The following SOS1 variants were observed in gnomAD, a reference collection of about 807,000 sequenced individuals.
SOS1 encodes the protein SOS Ras/Rac guanine nucleotide exchange factor 1.
SOS1 carries 25 observed loss-of-function variants against 157.6 expected under a neutral mutation model. The observed-to-expected ratio is 0.16, with a 90% CI of 0.12 to 0.22. The LOEUF is 0.22. SOS1 is among the 10% of genes least tolerant of loss of function. The pLI, the probability that SOS1 is intolerant of heterozygous loss-of-function variation, is 1.00. For synonymous variants in SOS1, 528 were observed against 534.0 expected, an observed-to-expected ratio of 0.99 and a Z score of 0.16; for missense variants, 1,237 against 1,599.1, an observed-to-expected ratio of 0.77 and a Z score of 3.86.
chr2:39,061,376 T>C (rs1336534252), intron 2 of SOS1, among the ~76,000 whole-genome samples: 1 of 152,098 alleles, frequency 6.6e-6, no homozygotes, highest in African/African-American at 2.4e-5. Context: ...AAACACTTTA[T>C]ATTTCTTTAC....
upstream of SOS1, among the ~76,000 whole-genome samples, chr2:39,122,191 A>G (rs1673912588): frequency 3.3e-5 from 5 of 152,126 alleles, no homozygotes; most frequent in South Asian, 1.0e-3. Context: ...GCACTTTAGG[A>G]GGCCGAGGCG....
chr2:39,030,083 T>A (rs1274986140), intron 8 of SOS1, among the ~76,000 whole-genome samples: 2 of 151,914 alleles, frequency 1.3e-5, no homozygotes, highest in African/African-American at 4.8e-5. Context: ...GAGGAATCAC[T>A]TGAGCCCAGG....
At chr2:39,032,237 C>T (rs1236199628) in intron 8 of SOS1, among the ~76,000 whole-genome samples, 2 of 152,076 alleles carry the variant, frequency 1.3e-5, no homozygotes, top group African/African-American at 2.4e-5. Context: ...CTTGAATTTA[C>T]ACCTCCTAAC....
At chr2:39,036,656 C>G (rs904873643) in intron 6 of SOS1, among the ~76,000 whole-genome samples, 1 of 152,164 alleles carries the variant, frequency 6.6e-6, no homozygotes, top group African/African-American at 2.4e-5. Flanking sequence ...TCACTGCAAG[C>G]TCCGCCTCCC....
chr2:39,061,662 A>G lies in SOS1; in HGVS notation c.214-2858T>C, dbSNP rs866190043. 6.6e-5 allele frequency among the ~76,000 whole-genome samples: 10 copies of G among 152,330 alleles called. No homozygotes were observed. In the South Asian group the frequency reaches 8.3e-4, roughly 13 times the overall value. ...CTTGGCCTCCCAAAGTGCTGGGATTACACACATGAGCCACTGCATTCGGCC... is the reference window on the plus strand; with the variant it reads ...CTTGGCCTCCCAAAGTGCTGGGATTGCACACATGAGCCACTGCATTCGGCC... On this transcript the variant is annotated intron_variant, in intron 2 of 22. Transcript: ENST00000402219.
intron 2 of SOS1, among the ~76,000 whole-genome samples, chr2:39,066,156 C>T (rs1671581157): frequency 1.3e-5 from 2 of 152,108 alleles, no homozygotes; most frequent in South Asian, 4.1e-4. Flanking sequence ...ACACATAAAA[C>T]CCAATGTTTT....
intron 1 of SOS1, among the ~76,000 whole-genome samples, chr2:39,088,115 GATAA>G (rs1375774875): frequency 6.9e-6 from 1 of 143,912 alleles, no homozygotes. Context: ...TCATCAATCG[GATAA>G]ATTTCTCTTT....
intron 14 of SOS1, 87 bp from the exon 15 acceptor site, chr2:39,010,790 T>C: frequency 9.4e-7 from 1 of 1,062,770 alleles, no homozygotes; most frequent in Non-Finnish European, 1.4e-6. Flanking sequence ...AAATAAAAAC[T>C]AAACTCTCAT....
chr2:39,075,672 T>A (rs1024441062), intron 1 of SOS1, among the ~76,000 whole-genome samples: 1 of 151,066 alleles, frequency 6.6e-6, no homozygotes, highest in Admixed American at 6.6e-5. Context: ...ATTAAAAAAA[T>A]AAAAAACAAA....
chr2:39,084,654 T>C (rs139259356), intron 1 of SOS1, among the ~76,000 whole-genome samples: 5 of 152,362 alleles, frequency 3.3e-5, no homozygotes, highest in African/African-American at 1.2e-4. Flanking sequence ...CATTGGTATG[T>C]GGTTTACGCC....
chr2:39,016,654 G>A (rs1451602702), intron 10 of SOS1, among the ~76,000 whole-genome samples: 1 of 152,038 alleles, frequency 6.6e-6, no homozygotes, highest in Non-Finnish European at 1.5e-5. Flanking sequence ...GCCCATACCC[G>A]CAGTACAGAG....
chr2:39,037,188 T>G (rs1220008107), intron 6 of SOS1, among the ~76,000 whole-genome samples: 1 of 152,124 alleles, frequency 6.6e-6, no homozygotes, highest in Admixed American at 6.5e-5. Flanking sequence ...GAAATTGGAG[T>G]CTATTACGTT....
At chr2:39,053,953 A>G (rs1213010135) in intron 5 of SOS1, among the ~76,000 whole-genome samples, 2 of 151,230 alleles carry the variant, frequency 1.3e-5, no homozygotes, top group Non-Finnish European at 2.9e-5. Context: ...TCTGAGACGG[A>G]GTCTCGCTCT....
At chr2:39,016,053 G>T (rs972859669) in intron 10 of SOS1, among the ~76,000 whole-genome samples, 9 of 151,838 alleles carry the variant, frequency 5.9e-5, no homozygotes, top group Admixed American at 4.6e-4. Context: ...TTTCATTTAG[G>T]CTGATTCTCA....
rs778045395 is a variant in SOS1, at chr2:39,067,617, A to T, written c.213+11T>A. 3.2e-5 allele frequency: 52 copies of T among 1,611,422 alleles called. No homozygotes were observed. The highest frequency in any genetic ancestry group is 4.0e-5 in the Non-Finnish European group (47 of 1,177,776). Reference sequence around the variant, plus strand: ...AGATATAAAGTAAATACAAGACAACATTTGTCATACCTCTACATCTGAAGC... The same window carrying T: ...AGATATAAAGTAAATACAAGACAACTTTTGTCATACCTCTACATCTGAAGC... On this transcript the variant is annotated intron_variant, in intron 2 of 22. Coordinates refer to ENST00000402219, the MANE Select transcript of SOS1 (RefSeq NM_005633.4).
At chr2:39,045,273 A>AGAGTGTGTGTGTGTGTGTGTGTGTGT in intron 6 of SOS1, among the ~76,000 whole-genome samples, 1 of 108,048 alleles carries the variant, frequency 9.3e-6, no homozygotes, top group Non-Finnish European at 1.9e-5. Flanking sequence ...AGAGAGAGAG[A>AGAGTGTGTGTGTGTGTGTGTGTGTGT]GTGTGTGTGT....
chr2:39,087,540 A>G (rs372225632), intron 1 of SOS1, among the ~76,000 whole-genome samples: 2 of 152,364 alleles, frequency 1.3e-5, no homozygotes, highest in East Asian at 3.8e-4. Flanking sequence ...TATCTTGGAC[A>G]TCTGACTTTA....
chr2:39,030,425 T>C (rs1259213686), intron 8 of SOS1, among the ~76,000 whole-genome samples: 1 of 151,922 alleles, frequency 6.6e-6, no homozygotes, highest in Non-Finnish European at 1.5e-5. Context: ...AAAAAATTAG[T>C]TGGGCATGGT....
chr2:39,113,332 A>C (rs1473701261), intron 1 of SOS1, among the ~76,000 whole-genome samples: 1 of 150,608 alleles, frequency 6.6e-6, no homozygotes, highest in Non-Finnish European at 1.5e-5. Flanking sequence ...CTGAGACTAC[A>C]GGCATGTACC....
Sources: gnomAD v4.1 joint callset for allele counts (sites outside exome capture counted in the v4.1 genomes callset) on GRCh38, gnomAD v4.1.1 for gene constraint, MANE v1.5 for transcripts, NCBI Gene and HGNC (gene_info 2026-07-23, HGNC 2026-07-21) for gene names.